The following HHAT variants were observed in gnomAD, a reference collection of about 807,000 sequenced individuals.
HHAT encodes hedgehog acyltransferase.
In HHAT, 47 loss-of-function variants were observed where a neutral mutation model predicts 70.8. The ratio of observed to expected loss-of-function variants is 0.66; its 90% CI spans 0.53 to 0.85. The LOEUF (loss-of-function observed/expected upper bound fraction) is 0.85, where lower values mean the gene tolerates loss of function less well. HHAT is among the 40% of genes least tolerant of loss of function. The pLI is 0.00. For missense variants in HHAT, 609 were observed against 604.8 expected, an observed-to-expected ratio of 1.01 and a Z score of -0.07; for synonymous variants, 228 against 247.6, an observed-to-expected ratio of 0.92 and a Z score of 0.74.
intron 8 of HHAT, among the ~76,000 whole-genome samples, chr1:210,511,828 C>T (rs1419753717): frequency 6.3e-5 from 8 of 126,494 alleles, no homozygotes; most frequent in African/African-American, 1.5e-4. Flanking sequence ...CTCACTCTGT[C>T]GCCCAGGCTG....
At chr1:210,462,945 G>C (rs1378524223) in intron 7 of HHAT, 2 of 152,186 alleles carry the variant, frequency 1.3e-5, no homozygotes, top group African/African-American at 4.8e-5. Flanking sequence ...AACCTGGTCT[G>C]CCACATCGAC....
intron 11 of HHAT, among the ~76,000 whole-genome samples, chr1:210,640,457 G>A (rs879596261): frequency 5.9e-5 from 9 of 152,068 alleles, no homozygotes; most frequent in Non-Finnish European, 5.9e-5. Flanking sequence ...ACAGAATACT[G>A]AGTTCTGACT....
At chr1:210,534,105 T>C (rs2095344747) in intron 9 of HHAT, among the ~76,000 whole-genome samples, 2 of 152,138 alleles carry the variant, frequency 1.3e-5, no homozygotes, top group South Asian at 4.2e-4. Context: ...ACTGGGGTAA[T>C]TGTACCTTCC....
intron 9 of HHAT, among the ~76,000 whole-genome samples, chr1:210,546,828 G>C (rs762487230): frequency 4.6e-5 from 7 of 152,108 alleles, no homozygotes; most frequent in Non-Finnish European, 8.8e-5. Flanking sequence ...TTGAGAGAAG[G>C]CCTCAAAGTC....
chr1:210,336,785 A>T (rs1396384310), intron 1 of HHAT, among the ~76,000 whole-genome samples: 2 of 152,102 alleles, frequency 1.3e-5, no homozygotes, highest in African/African-American at 4.8e-5. Flanking sequence ...CCTGTTTAAG[A>T]AAAAAATAAA....
chr1:210,364,774 G>A (rs541633493), intron 3 of HHAT, among the ~76,000 whole-genome samples: 1 of 152,316 alleles, frequency 6.6e-6, no homozygotes, highest in South Asian at 2.1e-4. Flanking sequence ...CCTTCTCAGT[G>A]CTCTCCACAA....
At chr1:210,363,436 G>A (rs79471150) in intron 3 of HHAT, among the ~76,000 whole-genome samples, 6,168 of 152,232 alleles carry the variant, frequency 0.041, 156 homozygotes, top group Middle Eastern at 0.065. Context: ...AGTGGCCACT[G>A]TTCTTTCACA....
chr1:210,657,933 G>C (rs1676796783), intron 11 of HHAT, among the ~76,000 whole-genome samples: 1 of 152,202 alleles, frequency 6.6e-6, no homozygotes, highest in Non-Finnish European at 1.5e-5. Flanking sequence ...AATGTACACA[G>C]AGGTTGTGGT....
At chr1:210,424,818 T>C (rs2093013966) in intron 7 of HHAT, among the ~76,000 whole-genome samples, 2 of 152,144 alleles carry the variant, frequency 1.3e-5, no homozygotes, top group African/African-American at 4.8e-5. Flanking sequence ...CATACGCGAG[T>C]GTGTCTTTGT....
At chr1:210,616,808 T>C (rs1346709576) in intron 10 of HHAT, among the ~76,000 whole-genome samples, 3 of 152,270 alleles carry the variant, frequency 2.0e-5, no homozygotes, top group African/African-American at 2.4e-5. Context: ...GCTCTTCTAG[T>C]TCTTCATTTG....
chr1:210,471,370 T>A (rs2223630), intron 8 of HHAT, among the ~76,000 whole-genome samples: 3 of 151,714 alleles, frequency 2.0e-5, no homozygotes, highest in African/African-American at 2.4e-5. Flanking sequence ...ACTTTATGAC[T>A]GTCATTATTT....
At chr1:210,418,869 C>CT (rs1372939674) in intron 7 of HHAT, among the ~76,000 whole-genome samples, 1 of 152,040 alleles carries the variant, frequency 6.6e-6, no homozygotes, top group African/African-American at 2.4e-5. Context: ...CATGTCTCTA[C>CT]TAAAAATACA....
rs182749453 is a variant in HHAT, at chr1:210,363,200, C to G, written c.159+281C>G. ...AAAGCTCAGAAACTTCCTACTTGAC[C>G]TAGCCAGATCCATCAGAATCACATG... On this transcript the variant is annotated intron_variant, in intron 3 of 11. Coordinates refer to ENST00000261458, the MANE Select transcript of HHAT (RefSeq NM_018194.6). Among the ~76,000 whole-genome samples the G allele has an allele frequency of 8.9e-4, 136 of 152,326 alleles. 1 individual carries two copies. Among genetic ancestry groups the G allele is most frequent in the South Asian group, 4.6e-3 (22 of 4,818 alleles).
chr1:210,369,294 CTAAA>C (rs1171303092), intron 3 of HHAT, among the ~76,000 whole-genome samples: 1 of 152,194 alleles, frequency 6.6e-6, no homozygotes, highest in East Asian at 1.9e-4. Context: ...GGGCAGACCT[CTAAA>C]TAAGCTGTTC....
intron 11 of HHAT, among the ~76,000 whole-genome samples, chr1:210,652,839 C>T (rs1175702198): frequency 6.6e-6 from 1 of 152,154 alleles, no homozygotes; most frequent in Non-Finnish European, 1.5e-5. Flanking sequence ...ACCAGGTTGG[C>T]ATAGATCAAA....
At chr1:210,644,566 G>C (rs1344334122) in intron 11 of HHAT, among the ~76,000 whole-genome samples, 1 of 127,830 alleles carries the variant, frequency 7.8e-6, no homozygotes, top group Non-Finnish European at 1.5e-5. Flanking sequence ...TCATGCCACT[G>C]CACTCCAGTC....
chr1:210,354,223 G>A (rs1478372093), intron 2 of HHAT, among the ~76,000 whole-genome samples: 1 of 38,044 alleles, frequency 2.6e-5, no homozygotes, highest in Non-Finnish European at 5.4e-5. Context: ...TTTTTTTTTT[G>A]AGACAGAATC....
intron 8 of HHAT, among the ~76,000 whole-genome samples, chr1:210,473,272 G>A (rs2148465028): frequency 6.6e-6 from 1 of 152,272 alleles, no homozygotes; most frequent in African/African-American, 2.4e-5. Context: ...CAAAGCGTCT[G>A]TTTTGTCTTA....
At chr1:210,348,862 A>T in intron 1 of HHAT, 71 bp from the exon 2 acceptor site, 1 of 1,447,174 alleles carries the variant, frequency 6.9e-7, no homozygotes, top group Non-Finnish European at 9.2e-7. Context: ...GTGTGAACTA[A>T]CTGAATTGAT....
Sources: allele counts gnomAD v4.1 joint callset (sites outside exome capture counted in the v4.1 genomes callset), GRCh38; gene constraint gnomAD v4.1.1; transcripts MANE v1.5; gene names NCBI Gene and HGNC (gene_info 2026-07-23, HGNC 2026-07-21).